The following ABTB3 variants were observed in gnomAD, a reference collection of about 807,000 sequenced individuals.
ABTB3 encodes the protein ankyrin repeat and BTB domain containing 3.
chr12:107,376,704 G>T, the ABTB3 span, among the ~76,000 whole-genome samples: 9 of 151,658 alleles, frequency 5.9e-5, no homozygotes, highest in Admixed American at 2.0e-4. Context: ...TACTGCTGTG[G>T]CCCAGAGCAA....
At chr12:107,356,451 T>C in the ABTB3 span, among the ~76,000 whole-genome samples, 1 of 152,136 alleles carries the variant, frequency 6.6e-6, no homozygotes, top group Non-Finnish European at 1.5e-5. Flanking sequence ...AGCAGAGTAC[T>C]TAGGAGCTAT....
chr12:107,353,348 A>G, the ABTB3 span, among the ~76,000 whole-genome samples: 1 of 152,142 alleles, frequency 6.6e-6, no homozygotes, highest in African/African-American at 2.4e-5. Context: ...ACAATCAAAG[A>G]CTGAGAGATG....
At chr12:107,541,815 G>A in the ABTB3 span, among the ~76,000 whole-genome samples, 1 of 152,020 alleles carries the variant, frequency 6.6e-6, no homozygotes, top group African/African-American at 2.4e-5. Context: ...TGGGTACTAT[G>A]CTGTTTACCT....
At chr12:107,581,716 G>A in the ABTB3 span, among the ~76,000 whole-genome samples, 1 of 152,310 alleles carries the variant, frequency 6.6e-6, no homozygotes, top group East Asian at 1.9e-4. Flanking sequence ...CGTGAGGATG[G>A]AGTGGTCTTC....
chr12:107,503,533 G>A, the ABTB3 span, among the ~76,000 whole-genome samples: 1 of 151,932 alleles, frequency 6.6e-6, no homozygotes, highest in Non-Finnish European at 1.5e-5. Flanking sequence ...TTGGGGGGCC[G>A]AGGTGGGAGA....
At chr12:107,347,532 C>G in the ABTB3 span, among the ~76,000 whole-genome samples, 1 of 152,166 alleles carries the variant, frequency 6.6e-6, no homozygotes, top group Non-Finnish European at 1.5e-5. Flanking sequence ...TTCGACCCCC[C>G]TCTTTCTACA....
At chr12:107,579,413 G>T in the ABTB3 span, among the ~76,000 whole-genome samples, 3 of 152,164 alleles carry the variant, frequency 2.0e-5, no homozygotes, top group African/African-American at 7.2e-5. Context: ...TAGTCTTGTG[G>T]TCCAGGGCAT....
chr12:107,498,389 T>C, the ABTB3 span, among the ~76,000 whole-genome samples: 1 of 152,160 alleles, frequency 6.6e-6, no homozygotes, highest in Non-Finnish European at 1.5e-5. Flanking sequence ...CTCGTGAAGC[T>C]CAGTCTCATT....
the ABTB3 span, among the ~76,000 whole-genome samples, chr12:107,494,907 C>T: frequency 5.9e-5 from 9 of 152,160 alleles, no homozygotes; most frequent in African/African-American, 2.2e-4. Flanking sequence ...CATTGCAGTC[C>T]CCCTGGAGCC....
chr12:107,410,005 T>C, the ABTB3 span, among the ~76,000 whole-genome samples: 1 of 152,070 alleles, frequency 6.6e-6, no homozygotes, highest in Non-Finnish European at 1.5e-5. Flanking sequence ...TGTAGTGCCT[T>C]GAGCAACTGA....
chr12:107,543,619 G>A, the ABTB3 span, among the ~76,000 whole-genome samples: 1 of 152,112 alleles, frequency 6.6e-6, no homozygotes, highest in Non-Finnish European at 1.5e-5. Context: ...GTCACAGGGC[G>A]AGGGAGGCAG....
the ABTB3 span, among the ~76,000 whole-genome samples, chr12:107,461,018 T>C: frequency 6.6e-6 from 1 of 152,120 alleles, no homozygotes; most frequent in Non-Finnish European, 1.5e-5. Context: ...TGTAATGGGC[T>C]CACAGTTCCT....
the ABTB3 span, among the ~76,000 whole-genome samples, chr12:107,469,255 A>C: frequency 2.0e-5 from 3 of 152,180 alleles, no homozygotes; most frequent in Admixed American, 2.0e-4. Context: ...GTTGGCTCCC[A>C]AAACCAGAAA....
the ABTB3 span, among the ~76,000 whole-genome samples, chr12:107,436,992 G>A: frequency 6.6e-5 from 10 of 152,010 alleles, no homozygotes; most frequent in African/African-American, 9.7e-5. Context: ...TGAGTGCCCA[G>A]TCATGCAGAA....
At chr12:107,521,297 G>A in the ABTB3 span, among the ~76,000 whole-genome samples, 1 of 138,776 alleles carries the variant, frequency 7.2e-6, no homozygotes, top group African/African-American at 2.8e-5. Context: ...GTGTGTGTGT[G>A]TGTGTGTATA....
At chr12:107,501,135 G>A in the ABTB3 span, among the ~76,000 whole-genome samples, 5 of 152,110 alleles carry the variant, frequency 3.3e-5, no homozygotes, top group Admixed American at 2.6e-4. Flanking sequence ...ATGTTGTAAG[G>A]ATTAGAATGG....
chr12:107,547,047 AG>A, the ABTB3 span, among the ~76,000 whole-genome samples: 1 of 152,088 alleles, frequency 6.6e-6, no homozygotes, highest in Non-Finnish European at 1.5e-5. Flanking sequence ...TACAAAAATT[AG>A]CTGGGTGTGG....
the ABTB3 span, among the ~76,000 whole-genome samples, chr12:107,557,848 G>T: frequency 9.2e-5 from 14 of 152,350 alleles, no homozygotes; most frequent in Admixed American, 7.2e-4. Context: ...TTCAGGCCCA[G>T]CAGGCTGGCT....
the ABTB3 span, among the ~76,000 whole-genome samples, chr12:107,599,603 T>C: frequency 5.9e-5 from 9 of 152,336 alleles, no homozygotes; most frequent in Admixed American, 3.3e-4. Flanking sequence ...TTCTCCCCGC[T>C]AGGTACCTTC....
Sources: allele counts gnomAD v4.1 joint callset (sites outside exome capture counted in the v4.1 genomes callset), GRCh38; gene constraint gnomAD v4.1.1; transcripts MANE v1.5; gene names NCBI Gene and HGNC (gene_info 2026-07-23, HGNC 2026-07-21).